SHROOM1: variants seen among roughly 807,000 people sequenced by gnomAD.
The protein encoded by SHROOM1 is protein Shroom1.
Under a neutral mutation model 64.2 loss-of-function variants are expected in SHROOM1, and 53 were observed. That is an observed-to-expected ratio of 0.83 (90% CI 0.66 to 1.04). SHROOM1 has a LOEUF of 1.04. Among genes scored for constraint, SHROOM1 ranks in the 50% least tolerant of loss-of-function variants. SHROOM1 has a pLI of 0.00. For missense variants in SHROOM1, 1,179 were observed against 1,163.2 expected, an observed-to-expected ratio of 1.01 and a Z score of -0.20; for synonymous variants, 490 against 518.9, an observed-to-expected ratio of 0.94 and a Z score of 0.76.
At chr5:132,826,246 G>A in intron 3 of SHROOM1, 31 bp downstream of exon 3, 2 of 1,257,168 alleles carry the variant, frequency 1.6e-6, no homozygotes, top group East Asian at 3.1e-5. Flanking sequence ...CAGCCTGCTG[G>A]CCCCGCCACC....
Position 132,823,322 on chromosome 5 carries a change from C to A in SHROOM1, c.2154G>T (p.Leu718=). 2 of 1,604,502 alleles carry A rather than the reference C, an allele frequency of 1.2e-6. No individual in the cohort carries two copies. The highest frequency in any genetic ancestry group is 2.7e-5 in the African/African-American group (2 of 75,058). Residue 718 remains leucine, a synonymous_variant, in exon 9 of 10, where the codon CTG becomes CTT. Coordinates refer to ENST00000378679, the MANE Select transcript of SHROOM1 (RefSeq NM_001172700.2). This position sits in a 1 kb window ranked among gnomAD's most constrained non-coding sequence, Gnocchi z 4.6. ...GCACGCGCGCCAGGCGACTGCCCAGCAGCAGCAGAAGGCCAAGCACGCGCT... is the reference window on the plus strand; with the variant it reads ...GCACGCGCGCCAGGCGACTGCCCAGAAGCAGCAGAAGGCCAAGCACGCGCT... ...DLERVLGLLL[L]LGSRLARVRR...
At position 132,824,806 on chromosome 5, in the gene SHROOM1, T is replaced by C; in HGVS notation, c.1050A>G (p.Lys350=). ...QTKLSRFLPQ[K]EAAVMYPAEL... is the part of the protein sequence containing the mutation. ...CTGCAGGATACATCACCGCAGCCTC[T>C]TTCTGAGGCAAGAACCTGGAGGCAG... The change falls in exon 6 of 10, where the codon AAA becomes AAG. Residue 350 remains lysine, a synonymous_variant. Coordinates refer to ENST00000378679, the MANE Select transcript of SHROOM1 (RefSeq NM_001172700.2). 1 of 1,614,048 alleles carries C rather than the reference T, an allele frequency of 6.2e-7. No individual in the cohort carries two copies. Among genetic ancestry groups the C allele is most frequent in the Non-Finnish European group, 8.5e-7 (1 of 1,180,008 alleles).
intron 1 of SHROOM1, chr5:132,829,762 G>A (rs997770813): frequency 7.1e-6 from 7 of 985,432 alleles, no homozygotes; most frequent in Non-Finnish European, 7.2e-6. Flanking sequence ...CCCAGTACCC[G>A]CAGCTGGGTC....
chr5:132,830,422 C>A lies in SHROOM1; in HGVS notation c.-501+172G>T. 1 of 985,040 alleles carries A rather than the reference C, an allele frequency of 1.0e-6. No individual in the cohort carries two copies. The highest frequency in any genetic ancestry group is 1.2e-6 in the Non-Finnish European group (1 of 829,796). The allele number at this position is 985,040 out of a possible 1,614,324, so 61.0% of individuals were successfully genotyped here. ...GCGCTGGGGTCCGACTCCACTGGCGCAACCTGACGCGGCGCCGAGCCAGAC... is the reference window on the plus strand; with the variant it reads ...GCGCTGGGGTCCGACTCCACTGGCGAAACCTGACGCGGCGCCGAGCCAGAC... On this transcript the variant is annotated intron_variant, in intron 1 of 9. Transcript: ENST00000378679. The surrounding 1 kb of genome is among the most constrained non-coding windows in gnomAD (Gnocchi z 5.9).
chr5:132,829,491 G>T, intron 1 of SHROOM1: 2 of 823,916 alleles, frequency 2.4e-6, no homozygotes, highest in Non-Finnish European at 2.9e-6. Context: ...ACAGTTTCCG[G>T]TGGATAAAAT....
Position 132,825,562 on chromosome 5 carries a change from G to A in SHROOM1, c.579C>T (p.Gly193=), listed in dbSNP as rs1253887462. Residue 193 remains glycine (G), a synonymous_variant, in exon 4 of 10, where the codon GGC becomes GGT. Coordinates refer to ENST00000378679, the MANE Select transcript of SHROOM1 (RefSeq NM_001172700.2). This position sits in a 1 kb window ranked among gnomAD's most constrained non-coding sequence, Gnocchi z 5.1. ...GGGAGCGCGCCGGCTCCCCCTCCCC[G>A]CCCGGGTGGCTGAGCGAGGCGGAGC... The part of the protein sequence containing the change: ...HPRSASLSHP[G]GEGEPARSRA... The A allele has an allele frequency of 1.4e-6, 2 of 1,413,614 alleles. No individual in the cohort carries two copies. Among genetic ancestry groups the A allele is most frequent in the South Asian group, 1.5e-5 (1 of 65,272 alleles). The allele number at this position is 1,413,614 out of a possible 1,614,324, so 87.6% of individuals were successfully genotyped here.
chr5:132,822,841 C>T lies in SHROOM1; in HGVS notation c.2514G>A (p.Gly838=), dbSNP rs771904164. The T allele has an allele frequency of 8.1e-6, 13 of 1,612,466 alleles. No individual in the cohort carries two copies. The highest frequency in any genetic ancestry group is 1.7e-5 in the Admixed American group (1 of 59,860). ...APSPSPARPP[G]TCPPVQPPFP... ...AGGGCGGCTGAACTGGAGGACAGGTCCCTGGGGGCCGCGCCGGGCTGGGAG... is the reference window on the plus strand; with the variant it reads ...AGGGCGGCTGAACTGGAGGACAGGTTCCTGGGGGCCGCGCCGGGCTGGGAG... The change falls in exon 10 of 10, where the codon GGG becomes GGA. Residue 838 remains glycine, a synonymous_variant. Coordinates refer to ENST00000378679, the MANE Select transcript of SHROOM1 (RefSeq NM_001172700.2).
Position 132,823,759 on chromosome 5 carries a change from TA to T in SHROOM1, c.1816del (p.Tyr606IlefsTer104). ...EAASTFEPGS[Y>X]QFSFTQLLPA... ...CAGGAGCTGGGTGAAGCTGAACTGA[TA>T]GGACCTGGGAACAAAACCAGAGCTC... On this transcript the variant is annotated frameshift_variant, in exon 8 of 10. Transcript: ENST00000378679. LOFTEE classifies it high-confidence loss of function. The surrounding 1 kb of genome is among the most constrained non-coding windows in gnomAD (Gnocchi z 4.6). The T allele has an allele frequency of 6.3e-7, 1 of 1,575,804 alleles. No individual in the cohort carries two copies. Among genetic ancestry groups the T allele is most frequent in the Non-Finnish European group, 8.6e-7 (1 of 1,163,756 alleles).
In SHROOM1 at chr5:132,825,343, A is replaced by C; in HGVS notation, c.798T>G (p.Ala266=). The change falls in exon 4 of 10, where the codon GCT becomes GCG. Residue 266 remains alanine (A), a synonymous_variant. Coordinates refer to ENST00000378679, the MANE Select transcript of SHROOM1 (RefSeq NM_001172700.2). The surrounding 1 kb of genome is among the most constrained non-coding windows in gnomAD (Gnocchi z 5.1). ...EPLEFQHPAL[A]KFEDHEVGWL... is the part of the protein sequence containing the mutation. ...ATCCGACCTCGTGATCTTCAAACTT[A>C]GCCAGCGCCGGATGCTGGAACTCCA... 6.2e-7 allele frequency: 1 copy of C among 1,603,520 alleles called. No individual in the cohort carries two copies. Among genetic ancestry groups the C allele is most frequent in the Non-Finnish European group, 8.5e-7 (1 of 1,179,296 alleles).
At position 132,823,971 on chromosome 5, in the gene SHROOM1, G is replaced by C; in HGVS notation, c.1690C>G (p.Pro564Ala). 6.2e-7 allele frequency: 1 copy of C among 1,603,726 alleles called. No homozygotes were observed. The highest frequency in any genetic ancestry group is 1.1e-5 in the South Asian group (1 of 88,868). ...AGGCCCAGGGGTGGCTCTGGGCTGGGCTGGGAAGCAAGAGGGTCACATAGA... is the reference window on the plus strand; with the variant it reads ...AGGCCCAGGGGTGGCTCTGGGCTGGCCTGGGAAGCAAGAGGGTCACATAGA... ...PSLCDPLASQ[P>A]SPEPPLGLLD... The change falls in exon 7 of 10, where the codon CCC becomes GCC. Residue 564 changes from proline (P) to alanine (A), a missense_variant. Pro to Ala is a conservative substitution (Grantham distance 27). Coordinates refer to ENST00000378679, the MANE Select transcript of SHROOM1 (RefSeq NM_001172700.2). This position sits in a 1 kb window ranked among gnomAD's most constrained non-coding sequence, Gnocchi z 4.6.
chr5:132,823,731 C>T lies in SHROOM1; in HGVS notation c.1845G>A (p.Pro615=), dbSNP rs773032012. 1.1e-5 allele frequency: 18 copies of T among 1,606,802 alleles called. No individual in the cohort carries two copies. The highest frequency in any genetic ancestry group is 6.7e-5 in the South Asian group (6 of 90,202). Residue 615 remains proline, a synonymous_variant, in exon 8 of 10, where the codon CCG becomes CCA. Transcript: ENST00000378679. This position sits in a 1 kb window ranked among gnomAD's most constrained non-coding sequence, Gnocchi z 4.6. ...CAAGCCTTGTCTCCTCCCGAGGAGC[C>T]GGCAGGAGCTGGGTGAAGCTGAACT... ...SYQFSFTQLL[P]APREETRLEN... is the part of the protein sequence containing the mutation.
rs758850256 is a variant in SHROOM1 at position 132,825,265 on chromosome 5, CAAG to C, written c.873_875del (p.Leu292del). The C allele has an allele frequency of 1.9e-6, 3 of 1,613,628 alleles. No homozygotes were observed. Among genetic ancestry groups the C allele is most frequent in the East Asian group, 4.5e-5 (2 of 44,876 alleles). ...CGGGCCTGAAGGCATCACCGAGCTT[CAAG>C]GACCCGGAGTCCAGGTTCATGGAGC... On this transcript the variant is annotated inframe_deletion, in exon 4 of 10. Coordinates refer to ENST00000378679, the MANE Select transcript of SHROOM1 (RefSeq NM_001172700.2). This position sits in a 1 kb window ranked among gnomAD's most constrained non-coding sequence, Gnocchi z 5.1.
Position 132,822,856 on chromosome 5 carries a change from C to G in SHROOM1, c.2499G>C (p.Pro833=). 6.2e-7 allele frequency: 1 copy of G among 1,613,294 alleles called. No homozygotes were observed. The highest frequency in any genetic ancestry group is 8.5e-7 in the Non-Finnish European group (1 of 1,179,898). ...GAGGACAGGTCCCTGGGGGCCGCGC[C>G]GGGCTGGGAGACGGGGCATGATGGC... ...DLGHHAPSPS[P]ARPPGTCPPV... is the part of the protein sequence containing the mutation. The change falls in exon 10 of 10, where the codon CCG becomes CCC. Residue 833 remains proline (P), a synonymous_variant. Transcript: ENST00000378679.
At chr5:132,829,938 T>C in intron 1 of SHROOM1, 1 of 985,444 alleles carries the variant, frequency 1.0e-6, no homozygotes, top group Non-Finnish European at 1.2e-6. Flanking sequence ...GCAGAGTCTC[T>C]GGAGACCCGA....
Position 132,826,402 on chromosome 5 carries a change from GC to G in SHROOM1, c.-169del. 1 of 637,038 alleles carries G rather than the reference GC, an allele frequency of 1.6e-6. No individual in the cohort carries two copies. The highest frequency in any genetic ancestry group is 2.2e-6 in the Non-Finnish European group (1 of 448,860). 39.5% of individuals were successfully genotyped at this position (637,038 alleles called of 1,614,324 possible). ...CAGGGAGCACCTCTGAAGGTTGAGG[GC>G]CCAGCTCAGGGGAAGGAATTGGGAC... On this transcript the variant is annotated 5_prime_UTR_variant, in exon 3 of 10. The change creates a premature stop within an existing upstream ORF in the 5' untranslated region. Transcript: ENST00000378679.
chr5:132,825,548 G>A lies in SHROOM1; in HGVS notation c.593C>T (p.Pro198Leu), dbSNP rs772744373. 25 of 1,427,768 alleles carry A rather than the reference G, an allele frequency of 1.8e-5. No homozygotes were observed. Among genetic ancestry groups the A allele is most frequent in the Non-Finnish European group, 2.3e-5 (25 of 1,098,980 alleles). The allele number at this position is 1,427,768 out of a possible 1,614,324, so 88.4% of individuals were successfully genotyped here. The stretch of plus-strand genomic sequence containing the variant: ...TGGCGCGGGAGCCCGGGAGCGCGCC[G>A]GCTCCCCCTCCCCGCCCGGGTGGCT... ...SLSHPGGEGE[P>L]ARSRAPAPGT... The change falls in exon 4 of 10, where the codon CCG becomes CTG. Residue 198 changes from proline (P) to leucine (L), a missense_variant. Physicochemically the swap from Pro to Leu is moderately conservative, Grantham distance 98. Coordinates refer to ENST00000378679, the MANE Select transcript of SHROOM1 (RefSeq NM_001172700.2). This position sits in a 1 kb window ranked among gnomAD's most constrained non-coding sequence, Gnocchi z 5.1.
Position 132,830,520 on chromosome 5 carries a change from C to T in SHROOM1, c.-501+74G>A. 2 of 985,616 alleles carry T rather than the reference C, an allele frequency of 2.0e-6. No individual in the cohort carries two copies. Among genetic ancestry groups the T allele is most frequent in the South Asian group, 4.6e-5 (1 of 21,798 alleles). 61.1% of individuals were successfully genotyped at this position (985,616 alleles called of 1,614,324 possible). On this transcript the variant is annotated intron_variant, in intron 1 of 9. Transcript: ENST00000378679. This position sits in a 1 kb window ranked among gnomAD's most constrained non-coding sequence, Gnocchi z 5.9. ...CCGCCCGCTCTTCACCCCCGTCCGCCCGCAGCCCCGCCGGCCTCCCGGGGG... is the reference window on the plus strand; with the variant it reads ...CCGCCCGCTCTTCACCCCCGTCCGCTCGCAGCCCCGCCGGCCTCCCGGGGG...
Position 132,823,361 on chromosome 5 carries a change from G to A in SHROOM1, c.2115C>T (p.Phe705=). The change falls in exon 9 of 10, where the codon TTC becomes TTT. Residue 705 remains phenylalanine, a synonymous_variant. Coordinates refer to ENST00000378679, the MANE Select transcript of SHROOM1 (RefSeq NM_001172700.2). The surrounding 1 kb of genome is among the most constrained non-coding windows in gnomAD (Gnocchi z 4.6). ...CAAGCACGCGCTCTAGGTCGGCCAT[G>A]AACCGGCTGAACCGCTCCAGCTCCT... The part of the protein sequence containing the change: ...APQELERFSR[F]MADLERVLGL... 6.2e-7 allele frequency: 1 copy of A among 1,607,996 alleles called. No homozygotes were observed. Among genetic ancestry groups the A allele is most frequent in the Non-Finnish European group, 8.5e-7 (1 of 1,179,672 alleles).
rs547803855 is a variant in SHROOM1 at position 132,829,687 on chromosome 5, G to C, written c.-501+907C>G. 3 of 985,400 alleles carry C rather than the reference G, an allele frequency of 3.0e-6. No homozygotes were observed. The African/African-American group carries it at 5.2e-5, about 17-fold the overall frequency. 61.0% of individuals were successfully genotyped at this position (985,400 alleles called of 1,614,324 possible). A position where few individuals can be genotyped will look rare whatever the true frequency, so the allele number is the denominator to read the frequency against. Reference sequence around the variant, plus strand: ...CCAGCGGGTCTTCCCTCAGTACTGGGCTCACTGTGTAGGCGCTGTCTCCCT... The same window carrying C: ...CCAGCGGGTCTTCCCTCAGTACTGGCCTCACTGTGTAGGCGCTGTCTCCCT... On this transcript the variant is annotated intron_variant, in intron 1 of 9. Transcript: ENST00000378679.
Sources: gnomAD v4.1 joint callset for allele counts on GRCh38, gnomAD v4.1.1 for gene constraint, Gnocchi (gnomAD v3.1) non-coding constraint, MANE v1.5 for transcripts, NCBI Gene and HGNC (gene_info 2026-07-23, HGNC 2026-07-21) for gene names.